Variants in ST14 observed in about 807,000 individuals in gnomAD.
The protein encoded by ST14 is suppressor of tumorigenicity 14 protein.
A neutral mutation model predicts 96.5 loss-of-function variants in ST14; 40 were observed. The ratio of observed to expected loss-of-function variants is 0.41; its 90% CI spans 0.32 to 0.54. The LOEUF (loss-of-function observed/expected upper bound fraction) is 0.54. Among genes scored for constraint, ST14 ranks in the 20% least tolerant of loss-of-function variants. The probability of loss-of-function intolerance (pLI) is 0.17; values close to 1 mark genes in which losing one functional copy is unlikely to be tolerated. For missense variants in ST14, 1,066 were observed against 1,188.9 expected (o/e 0.90, Z 1.52); for synonymous variants, 506 against 492.1 (o/e 1.03, Z -0.37).
intron 16 of ST14, 78 bp from the exon 17 acceptor site, chr11:130,208,332 C>T: frequency 1.2e-6 from 2 of 1,603,290 alleles, no homozygotes; most frequent in Middle Eastern, 1.7e-4. Flanking sequence ...GCGGAATCCT[C>T]TGGGAACGCG....
intron 1 of ST14, among the ~76,000 whole-genome samples, chr11:130,161,700 C>T (rs1409921982): frequency 6.6e-6 from 1 of 152,224 alleles, no homozygotes; most frequent in East Asian, 1.9e-4. Flanking sequence ...TCTCTGCGCC[C>T]TTGGGCTGTT....
chr11:130,168,594 G>A (rs1357782754), intron 1 of ST14, among the ~76,000 whole-genome samples: 10 of 152,190 alleles, frequency 6.6e-5, no homozygotes, highest in Non-Finnish European at 1.5e-4. Context: ...TCTTCCAAAA[G>A]GATGGTCTCG....
At chr11:130,180,680 C>G (rs1365616070) in intron 1 of ST14, among the ~76,000 whole-genome samples, 6 of 152,194 alleles carry the variant, frequency 3.9e-5, no homozygotes, top group Non-Finnish European at 8.8e-5. Flanking sequence ...GGAGGATTCT[C>G]TGGTTGACTC....
intron 4 of ST14, 131 bp downstream of exon 4, chr11:130,189,070 C>T (rs1051479917): frequency 1.9e-5 from 18 of 957,854 alleles, no homozygotes; most frequent in Admixed American, 1.2e-4. Flanking sequence ...GGAGGGTCCT[C>T]GCTGTGTCCT....
chr11:130,190,219 T>C, intron 6 of ST14, 71 bp downstream of exon 6: 2 of 1,594,694 alleles, frequency 1.3e-6, no homozygotes, highest in Non-Finnish European at 1.7e-6. Context: ...CTTGAGCCAG[T>C]GGGGTCCCCA....
Position 130,188,154 on chromosome 11 carries a change from T to C in ST14, c.122T>C (p.Val41Ala). ...GAGGAAGGCGTGGAGTTCCTGCCAG[T>C]CAACAACGTCAAGAAGGTGGAAAAG... ...GLEEGVEFLP[V>A]NNVKKVEKHG... Residue 41 changes from valine to alanine, a missense_variant, in exon 2 of 19, where the codon GTC becomes GCC. Transcript: ENST00000278742. This position sits in a 1 kb window ranked among gnomAD's most constrained non-coding sequence, Gnocchi z 5.4. 6.2e-7 allele frequency: 1 copy of C among 1,614,122 alleles called. No individual in the cohort carries two copies.
At chr11:130,169,104 T>G (rs1001258472) in intron 1 of ST14, among the ~76,000 whole-genome samples, 1 of 144,010 alleles carries the variant, frequency 6.9e-6, no homozygotes, top group Non-Finnish European at 1.5e-5. Flanking sequence ...TTTTTTTTTT[T>G]TTTTTTTTTT....
intron 15 of ST14, among the ~76,000 whole-genome samples, chr11:130,199,479 C>T (rs1488963061): frequency 6.6e-6 from 1 of 152,212 alleles, no homozygotes; most frequent in Non-Finnish European, 1.5e-5. Flanking sequence ...CGTTGGCTGG[C>T]CACAGGTTAG....
intron 11 of ST14, chr11:130,196,904 A>C: frequency 1.4e-6 from 1 of 718,340 alleles, no homozygotes; most frequent in East Asian, 2.9e-5. Flanking sequence ...GCTGGCACAC[A>C]CTGTGTCCTT....
At position 130,196,588 on chromosome 11, in the gene ST14, C is replaced by T; in HGVS notation, c.1242C>T (p.Ser414=). 1 of 1,613,920 alleles carries T rather than the reference C, an allele frequency of 6.2e-7. No homozygotes were observed. The highest frequency in any genetic ancestry group is 8.5e-7 in the Non-Finnish European group (1 of 1,179,968). ...CCTCCAGATACTGCGGAGAGAGGTC[C>T]CAGTTCGTCGTCACCAGCAACAGCA... ...INGEKYCGER[S]QFVVTSNSNK... The change falls in exon 11 of 19, where the codon TCC becomes TCT. Residue 414 remains serine (S), a synonymous_variant. Coordinates refer to ENST00000278742, the MANE Select transcript of ST14 (RefSeq NM_021978.4).
Position 130,198,312 on chromosome 11 carries a change from C to T in ST14, c.1464C>T (p.Cys488=), listed in dbSNP as rs3765081. 2.2e-4 allele frequency: 352 copies of T among 1,614,070 alleles called. 4 individuals carry two copies. The East Asian group carries it at 4.4e-3, about 20-fold the overall frequency. ...CCTCCCCTTACCCCACTCCAGGTTG[C>T]GACGCCGGCCACCAGTTCACGTGCA... is the stretch of plus-strand genomic sequence containing the variant. ...TDHSDELNCS[C]DAGHQFTCKN... The change falls in exon 13 of 19, where the codon TGC becomes TGT. Residue 488 remains cysteine, a synonymous_variant. Transcript: ENST00000278742.
Position 130,188,247 on chromosome 11 carries a change from T to TC in ST14, c.216dup (p.Gly73ArgfsTer27). 1.2e-6 allele frequency: 2 copies of TC among 1,613,968 alleles called. No individual in the cohort carries two copies. The highest frequency in any genetic ancestry group is 1.7e-6 in the Non-Finnish European group (2 of 1,179,870). On this transcript the variant is annotated frameshift_variant, in exon 2 of 19. Transcript: ENST00000278742. LOFTEE classifies it high-confidence loss of function. This position sits in a 1 kb window ranked among gnomAD's most constrained non-coding sequence, Gnocchi z 5.4. The stretch of plus-strand genomic sequence containing the variant: ...GGCCTCCTCTTGGTCTTGCTGGGGA[T>TC]CGGCTTCCTGGTGTGGCATTTGCAG...
In ST14 at chr11:130,181,008, C is replaced by A. The variant is rs529580526; in HGVS notation, c.82-7106C>A. On this transcript the variant is annotated intron_variant, in intron 1 of 18. Transcript: ENST00000278742. The surrounding 1 kb of genome is among the most constrained non-coding windows in gnomAD (Gnocchi z 4.1). ...CCCTGCAGAAAGTTGGGTGAGATGG[C>A]AATGGTCCGATCTCATCCCTGCTGG... Among the ~76,000 whole-genome samples, 6 of 152,276 alleles carry A rather than the reference C, an allele frequency of 3.9e-5. No homozygotes were observed. The South Asian group carries it at 1.0e-3, about 26-fold the overall frequency.
intron 1 of ST14, among the ~76,000 whole-genome samples, chr11:130,164,712 C>G (rs965337312): frequency 2.2e-5 from 3 of 138,956 alleles, no homozygotes; most frequent in African/African-American, 6.2e-5. Context: ...AGCCCCCACA[C>G]CCAGCCTTAT....
rs1953377553 is a variant in ST14 at position 130,197,341 on chromosome 11, CT to C, written c.1355-499del. 8.5e-5 allele frequency among the ~76,000 whole-genome samples: 13 copies of C among 152,368 alleles called. No individual in the cohort carries two copies. The South Asian group carries it at 2.7e-3, about 32-fold the overall frequency. ...AATGGTCTCCTTACAGCTTTGTCAT[CT>C]GCAAAGTGGTCAGATGCCTCCGGAT... On this transcript the variant is annotated intron_variant, in intron 11 of 18. Coordinates refer to ENST00000278742, the MANE Select transcript of ST14 (RefSeq NM_021978.4).
chr11:130,184,618 CAG>C (rs1953221305), intron 1 of ST14, among the ~76,000 whole-genome samples: 2 of 152,300 alleles, frequency 1.3e-5, no homozygotes, highest in African/African-American at 4.8e-5. Flanking sequence ...TTCTAGAAGA[CAG>C]AGGTGAGACA....
At chr11:130,166,122 G>A (rs1258583160) in intron 1 of ST14, among the ~76,000 whole-genome samples, 3 of 152,216 alleles carry the variant, frequency 2.0e-5, no homozygotes, top group Admixed American at 2.0e-4. Flanking sequence ...CACAGCTGGA[G>A]TTGTGATTTC....
At chr11:130,165,670 G>T (rs766938001) in intron 1 of ST14, among the ~76,000 whole-genome samples, 5 of 152,176 alleles carry the variant, frequency 3.3e-5, no homozygotes, top group Non-Finnish European at 7.3e-5. Flanking sequence ...GATGGTGGTG[G>T]CGATGTTGAA....
Position 130,198,986 on chromosome 11 carries a change from T to G in ST14, c.1724T>G (p.Leu575Arg), listed in dbSNP as rs1953399692. Residue 575 changes from leucine to arginine, a missense_variant, in exon 15 of 19, where the codon CTC becomes CGC. Transcript: ENST00000278742. ...TGTACCAAACACACCTACCGCTGCCTCAATGGGCTCTGCTTGAGCAAGGGC... is the reference window on the plus strand; with the variant it reads ...TGTACCAAACACACCTACCGCTGCCGCAATGGGCTCTGCTTGAGCAAGGGC... ...VTCTKHTYRC[L>R]NGLCLSKGNP... is the part of the protein sequence containing the mutation. The G allele has an allele frequency of 6.2e-7, 1 of 1,614,064 alleles. No individual in the cohort carries two copies. The highest frequency in any genetic ancestry group is 8.5e-7 in the Non-Finnish European group (1 of 1,179,986).
Sources: gnomAD v4.1 joint callset for allele counts (sites outside exome capture counted in the v4.1 genomes callset) on GRCh38, gnomAD v4.1.1 for gene constraint, Gnocchi (gnomAD v3.1) non-coding constraint, MANE v1.5 for transcripts, NCBI Gene and HGNC (gene_info 2026-07-23, HGNC 2026-07-21) for gene names.